Variants in PID1 observed in about 807,000 individuals in gnomAD.
PID1 encodes phosphotyrosine interaction domain containing 1.
PID1 carries 10 observed loss-of-function variants against 19.1 expected under a neutral mutation model. The ratio of observed to expected loss-of-function variants is 0.52; its 90% confidence interval spans 0.32 to 0.89. The LOEUF (loss-of-function observed/expected upper bound fraction) is 0.89. PID1 is among the 40% of genes least tolerant of loss of function. The pLI, the probability that PID1 is intolerant of heterozygous loss-of-function variation, is 0.03. For synonymous variants in PID1, 130 were observed against 116.0 expected, an observed-to-expected ratio of 1.12 and a Z score of -0.78; for missense variants, 248 against 285.3, an observed-to-expected ratio of 0.87 and a Z score of 0.94.
intron 2 of PID1, among the ~76,000 whole-genome samples, chr2:229,120,629 A>G (rs36097673): frequency 1.3e-5 from 2 of 149,718 alleles, no homozygotes; most frequent in Non-Finnish European, 3.0e-5. Flanking sequence ...ATAGATATAT[A>G]CAATATATAT....
At chr2:229,134,991 CAA>C (rs1689830617) in intron 2 of PID1, among the ~76,000 whole-genome samples, 1 of 148,166 alleles carries the variant, frequency 6.7e-6, no homozygotes, top group Non-Finnish European at 1.5e-5. Context: ...AATGAAGAAA[CAA>C]AGAAGAAAAA....
intron 1 of PID1, among the ~76,000 whole-genome samples, chr2:229,195,528 A>T (rs1691360080): frequency 6.6e-6 from 1 of 151,866 alleles, no homozygotes; most frequent in South Asian, 2.1e-4. Flanking sequence ...ACTGTGCACG[A>T]TGTTCCCTAC....
chr2:229,213,454 A>C (rs1351865839), intron 1 of PID1, among the ~76,000 whole-genome samples: 1 of 152,226 alleles, frequency 6.6e-6, no homozygotes, highest in Admixed American at 6.5e-5. Context: ...AGAGTATATG[A>C]GTCAAATACA....
intron 1 of PID1, chr2:229,232,220 A>C: frequency 1.1e-5 from 12 of 1,095,432 alleles, no homozygotes; most frequent in South Asian, 2.0e-5. Context: ...TCAGGAGATC[A>C]AGACCATCCT....
intron 1 of PID1, among the ~76,000 whole-genome samples, chr2:229,226,985 T>G (rs1273325937): frequency 6.6e-6 from 1 of 152,204 alleles, no homozygotes; most frequent in African/African-American, 2.4e-5. Context: ...GCAATCTCCA[T>G]GCAAAATTTT....
At chr2:229,146,515 T>C (rs1455594544) in intron 2 of PID1, among the ~76,000 whole-genome samples, 1 of 146,248 alleles carries the variant, frequency 6.8e-6, no homozygotes, top group Non-Finnish European at 1.5e-5. Flanking sequence ...AATTATGAAC[T>C]GTGAACATTT....
chr2:229,065,729 A>AAAAG (rs765746020), intron 2 of PID1, among the ~76,000 whole-genome samples: 3 of 140,740 alleles, frequency 2.1e-5, no homozygotes, highest in Admixed American at 7.7e-5. Context: ...AAAAAAAAAA[A>AAAAG]AAACAGGTTG....
intron 2 of PID1, among the ~76,000 whole-genome samples, chr2:229,122,242 A>G (rs1695537865): frequency 6.6e-6 from 1 of 152,220 alleles, no homozygotes; most frequent in South Asian, 2.1e-4. Flanking sequence ...GATGGTTTTT[A>G]CACCATTAAC....
intron 1 of PID1, among the ~76,000 whole-genome samples, chr2:229,165,650 A>G (rs995497906): frequency 6.6e-6 from 1 of 152,154 alleles, no homozygotes; most frequent in African/African-American, 2.4e-5. Flanking sequence ...ATGAGGGTTA[A>G]TAAACCAGTT....
chr2:229,109,414 C>T (rs567160835), intron 2 of PID1, among the ~76,000 whole-genome samples: 6 of 152,298 alleles, frequency 3.9e-5, no homozygotes, highest in South Asian at 2.1e-4. Context: ...CAGTCACACG[C>T]TAGTCGGCAT....
Position 229,110,158 on chromosome 2 carries a change from C to T in PID1, c.177+45660G>A, listed in dbSNP as rs116154259. 7.6e-3 allele frequency among the ~76,000 whole-genome samples: 1,158 copies of T among 152,300 alleles called. 6 individuals are homozygous for T. Among genetic ancestry groups the T allele is most frequent in the Non-Finnish European group, 0.012 (797 of 68,028 alleles). On this transcript the variant is annotated intron_variant, in intron 2 of 2. Transcript: ENST00000392055. Reference sequence around the variant, plus strand: ...CCTGACAAGCGTGTTAACAAGACCTCTAGGTTTTACGTGATTTAATCCTTG... The same window carrying T: ...CCTGACAAGCGTGTTAACAAGACCTTTAGGTTTTACGTGATTTAATCCTTG...
intron 2 of PID1, among the ~76,000 whole-genome samples, chr2:229,128,513 G>GT (rs1243544563): frequency 1.3e-5 from 2 of 152,110 alleles, no homozygotes; most frequent in African/African-American, 4.8e-5. Context: ...AAAGCCAAAG[G>GT]TTTTTTTAAT....
At chr2:229,139,111 GAA>G (rs1689947885) in intron 2 of PID1, among the ~76,000 whole-genome samples, 1 of 72,146 alleles carries the variant, frequency 1.4e-5, no homozygotes, top group Non-Finnish European at 2.6e-5. Context: ...AAGAAAGAAA[GAA>G]AGAGAAAGAA....
chr2:229,053,034 A>G (rs1694026686), intron 2 of PID1, among the ~76,000 whole-genome samples: 1 of 152,188 alleles, frequency 6.6e-6, no homozygotes, highest in Non-Finnish European at 1.5e-5. Flanking sequence ...AGTCAGTTGT[A>G]ATTTACAGCA....
At chr2:229,179,355 G>A (rs992830972) in intron 1 of PID1, among the ~76,000 whole-genome samples, 2 of 152,094 alleles carry the variant, frequency 1.3e-5, no homozygotes, top group Admixed American at 6.5e-5. Context: ...TTCTAAAGAT[G>A]TTAGTGGATG....
At chr2:229,075,696 T>C (rs1694543811) in intron 2 of PID1, among the ~76,000 whole-genome samples, 1 of 152,302 alleles carries the variant, frequency 6.6e-6, no homozygotes, top group African/African-American at 2.4e-5. Flanking sequence ...TGCCACACTT[T>C]CTCTGATGTT....
intron 2 of PID1, among the ~76,000 whole-genome samples, chr2:229,153,652 A>G (rs1690304644): frequency 6.6e-6 from 1 of 152,214 alleles, no homozygotes; most frequent in Non-Finnish European, 1.5e-5. Flanking sequence ...CACACAGAAA[A>G]AATTAGTCCA....
chr2:229,222,768 A>G (rs1691998811), intron 1 of PID1, among the ~76,000 whole-genome samples: 1 of 152,026 alleles, frequency 6.6e-6, no homozygotes, highest in South Asian at 2.1e-4. Context: ...TAGGACTTCT[A>G]AGGAACCTAC....
chr2:229,130,648 T>C (rs1689717831), intron 2 of PID1, among the ~76,000 whole-genome samples: 1 of 152,108 alleles, frequency 6.6e-6, no homozygotes, highest in African/African-American at 2.4e-5. Flanking sequence ...CCATGTCTGT[T>C]CACCTCCCCC....
Sources: allele counts gnomAD v4.1 joint callset (sites outside exome capture counted in the v4.1 genomes callset), GRCh38; gene constraint gnomAD v4.1.1; transcripts MANE v1.5; gene names NCBI Gene and HGNC (gene_info 2026-07-23, HGNC 2026-07-21).